Variants in WDR93 observed in about 807,000 individuals in gnomAD.
WDR93 encodes WD repeat-containing protein 93.
A neutral mutation model predicts 82.9 loss-of-function variants in WDR93; 73 were observed. The observed-to-expected ratio is 0.88, with a 90% CI of 0.73 to 1.07. The LOEUF (loss-of-function observed/expected upper bound fraction) is 1.07, where lower values mean the gene tolerates loss of function less well. Ranked by LOEUF, WDR93 falls within the 50% of genes least tolerant of loss-of-function variation. The pLI, the probability that WDR93 is intolerant of heterozygous loss-of-function variation, is 0.00. For missense variants in WDR93, 738 were observed against 826.0 expected, an observed-to-expected ratio of 0.89 and a Z score of 1.31; for synonymous variants, 283 against 300.1, an observed-to-expected ratio of 0.94 and a Z score of 0.59.
intron 1 of WDR93, among the ~76,000 whole-genome samples, chr15:89,698,639 T>C (rs1003118094): frequency 1.3e-5 from 2 of 152,232 alleles, no homozygotes; most frequent in Non-Finnish European, 2.9e-5. Flanking sequence ...TAACCTAGCA[T>C]AGCCTACCTT....
chr15:89,729,502 G>A (rs1413182967), intron 10 of WDR93, among the ~76,000 whole-genome samples, 181 bp from the exon 11 acceptor site: 1 of 152,156 alleles, frequency 6.6e-6, no homozygotes, highest in Non-Finnish European at 1.5e-5. Context: ...CCCTCATGGG[G>A]CTGCCCAGTC....
At position 89,701,941 on chromosome 15, in the gene WDR93, C is replaced by A. The variant is rs1394118404; in HGVS notation, c.195C>A (p.Asn65Lys). Residue 65 changes from asparagine to lysine, a missense_variant, in exon 2 of 17, where the codon AAC (asparagine) becomes AAA (lysine). Coordinates refer to ENST00000268130, the MANE Select transcript of WDR93 (RefSeq NM_020212.2). Reference protein sequence around the residue: ...QPYRMINKLVNLLFDQSWEII... With the variant: ...QPYRMINKLVKLLFDQSWEII... Reference sequence around the variant, plus strand: ...ATCGAATGATCAACAAGCTGGTGAACCTTCTGTTTGACCAGTCTTGGGAAA... The same window carrying A: ...ATCGAATGATCAACAAGCTGGTGAAACTTCTGTTTGACCAGTCTTGGGAAA... The A allele has an allele frequency of 1.9e-6, 3 of 1,614,020 alleles. No homozygotes were observed. The highest frequency in any genetic ancestry group is 2.5e-6 in the Non-Finnish European group (3 of 1,180,038).
chr15:89,700,930 T>C (rs1298822361), intron 1 of WDR93, among the ~76,000 whole-genome samples: 3 of 151,764 alleles, frequency 2.0e-5, no homozygotes, highest in Non-Finnish European at 4.4e-5. Flanking sequence ...TGTATACATA[T>C]ACAGACTTTA....
At chr15:89,713,071 C>T (rs1469781234) in intron 5 of WDR93, among the ~76,000 whole-genome samples, 3 of 149,140 alleles carry the variant, frequency 2.0e-5, no homozygotes, top group Non-Finnish European at 4.4e-5. Flanking sequence ...TGCAGTGAGC[C>T]GAGATCGTGC....
intron 1 of WDR93, among the ~76,000 whole-genome samples, chr15:89,698,980 C>T (rs190440791): frequency 4.9e-4 from 74 of 152,054 alleles, no homozygotes; most frequent in African/African-American, 1.6e-3. Context: ...CTTGACCTCT[C>T]GGGCTCAAGT....
At chr15:89,705,418 C>T in intron 3 of WDR93, 136 bp from the exon 4 acceptor site, 1 of 685,708 alleles carries the variant, frequency 1.5e-6, no homozygotes, top group Non-Finnish European at 2.7e-6. Flanking sequence ...GCAGCATAGG[C>T]AGTGGAGGGG....
chr15:89,737,992 C>A, intron 15 of WDR93, 49 bp from the exon 16 acceptor site: 1 of 1,550,476 alleles, frequency 6.4e-7, no homozygotes, highest in East Asian at 2.3e-5. Flanking sequence ...ACAGAGCCCA[C>A]TGAGAAAGCG....
At chr15:89,731,671 T>C (rs571595918) in intron 12 of WDR93, 109 bp downstream of exon 12, 33 of 1,468,914 alleles carry the variant, frequency 2.2e-5, no homozygotes, top group Non-Finnish European at 3.0e-5. Context: ...CTCTGTGTTC[T>C]TAAAGTCACC....
chr15:89,729,651 C>T (rs1309373279), intron 10 of WDR93, 32 bp from the exon 11 acceptor site: 1 of 1,565,016 alleles, frequency 6.4e-7, no homozygotes, highest in East Asian at 2.2e-5. Context: ...GTGTAACACC[C>T]ATTTTCTGTC....
chr15:89,741,787 C>G (rs1394454244), intron 16 of WDR93, among the ~76,000 whole-genome samples: 4 of 151,624 alleles, frequency 2.6e-5, no homozygotes, highest in Admixed American at 6.6e-5. Context: ...GAGTCTCGCT[C>G]TGTCGCCAGG....
At chr15:89,711,878 A>C (rs1430766932) in intron 4 of WDR93, 148 bp from the exon 5 acceptor site, 4 of 462,196 alleles carry the variant, frequency 8.7e-6, no homozygotes, top group Non-Finnish European at 1.1e-5. Flanking sequence ...TTGTACAAAA[A>C]TGGGAAGTAT....
chr15:89,736,724 G>C (rs980933717), intron 14 of WDR93, among the ~76,000 whole-genome samples: 2 of 152,012 alleles, frequency 1.3e-5, no homozygotes, highest in Non-Finnish European at 2.9e-5. Context: ...ACAGGGTGTG[G>C]AGAGACCCTC....
intron 3 of WDR93, chr15:89,704,552 G>C (rs79324299): frequency 1.1e-3 from 162 of 152,356 alleles, no homozygotes; most frequent in African/African-American, 3.6e-3. Context: ...GTGTGCCTGG[G>C]GGGCAATGAA....
chr15:89,694,247 T>C (rs1266956173), intron 1 of WDR93, among the ~76,000 whole-genome samples: 4 of 150,632 alleles, frequency 2.7e-5, no homozygotes, highest in Admixed American at 1.3e-4. Context: ...TTGGGTTATT[T>C]CTTTTTTTTT....
chr15:89,728,706 AC>A (rs961780472), intron 9 of WDR93, among the ~76,000 whole-genome samples: 2 of 152,124 alleles, frequency 1.3e-5, no homozygotes, highest in African/African-American at 2.4e-5. Flanking sequence ...TATGTAGATC[AC>A]CCGAGTCTGC....
In WDR93 at chr15:89,737,586, C is replaced by T. The variant is rs996649878; in HGVS notation, c.1622C>T (p.Ser541Phe). ...PALPGMVLIF[S>F]KNGSVCLMDV... ...TTTGCTTCCCAGGTGCTCATCTTTT[C>T]CAAGAATGGCTCTGTGTGCCTTATG... The change falls in exon 15 of 17, where the codon TCC becomes TTC. Residue 541 changes from serine to phenylalanine, a missense_variant. By Grantham distance (155) the Ser-to-Phe change is radical. Transcript: ENST00000268130. 6.2e-7 allele frequency: 1 copy of T among 1,614,222 alleles called. No homozygotes were observed.
At chr15:89,734,737 C>T (rs1967018997) in intron 13 of WDR93, among the ~76,000 whole-genome samples, 1 of 152,218 alleles carries the variant, frequency 6.6e-6, no homozygotes, top group South Asian at 2.1e-4. Flanking sequence ...GTAATCCAAG[C>T]ACTTTGGGAG....
intron 7 of WDR93, among the ~76,000 whole-genome samples, chr15:89,718,463 TAA>T (rs757527210): frequency 5.3e-5 from 7 of 133,204 alleles, no homozygotes; most frequent in Admixed American, 7.5e-5. Context: ...GACAGCTGTC[TAA>T]AAAAAAAAAA....
chr15:89,722,071 T>G lies in WDR93; in HGVS notation c.812T>G (p.Phe271Cys). ...DPLEMDANVS[F>C]KGDIKLSLPV... ...TTGTTTTAGGATGCAAATGTTAGTT[T>G]TAAAGGAGACATTAAATTGAGTCTT... Residue 271 changes from phenylalanine (F) to cysteine (C), a missense_variant, in exon 8 of 17, where the codon TTT (phenylalanine) becomes TGT (cysteine). By Grantham distance (205) the Phe-to-Cys change is radical (BLOSUM62 -2). Coordinates refer to ENST00000268130, the MANE Select transcript of WDR93 (RefSeq NM_020212.2). The G allele has an allele frequency of 6.2e-7, 1 of 1,608,402 alleles. No homozygotes were observed. Among genetic ancestry groups the G allele is most frequent in the Non-Finnish European group, 8.5e-7 (1 of 1,177,264 alleles).
Sources: gnomAD v4.1 joint callset for allele counts (sites outside exome capture counted in the v4.1 genomes callset) on GRCh38, gnomAD v4.1.1 for gene constraint, MANE v1.5 for transcripts, NCBI Gene and HGNC (gene_info 2026-07-23, HGNC 2026-07-21) for gene names.